The following LAMA3 variants were observed in gnomAD, a reference collection of about 807,000 sequenced individuals.
LAMA3 encodes laminin subunit alpha-3.
LAMA3 carries 281 observed loss-of-function variants against 402.0 expected under a neutral mutation model. The ratio of observed to expected loss-of-function variants is 0.70; its 90% CI spans 0.63 to 0.77. The LOEUF is 0.77. LAMA3 is among the 30% of genes least tolerant of loss of function. LAMA3 has a pLI of 0.00. For synonymous variants in LAMA3, 1,431 were observed against 1,558.4 expected, an observed-to-expected ratio of 0.92 and a Z score of 1.93; for missense variants, 3,840 against 4,215.5, an observed-to-expected ratio of 0.91 and a Z score of 2.47.
chr18:23,940,007 A>G (rs1326526574), intron 68 of LAMA3, among the ~76,000 whole-genome samples: 1 of 152,236 alleles, frequency 6.6e-6, no homozygotes, highest in African/African-American at 2.4e-5. Context: ...AGCTGGCTCT[A>G]ACATCTGGCT....
Position 23,867,909 on chromosome 18 carries a change from G to A in LAMA3, c.4759G>A (p.Val1587Met), listed in dbSNP as rs776186644. ...CCGGCTGCATCATGGACGAGTGCAC[G>A]TGGTCGAGGTAAAGGAAGAGCAACC... ...PDRLHHGRVHVVEGNFRHASS... is the reference protein window; with the variant it reads ...PDRLHHGRVHMVEGNFRHASS... Residue 1587 changes from valine to methionine, a missense_variant, in exon 37 of 75, where the codon GTG (valine) becomes ATG (methionine). Physicochemically the swap from Val to Met is conservative, Grantham distance 21. This residue lies in a region of LAMA3 where 2,109 missense variants were observed against 2,376.0 expected (regional missense o/e 0.89). Transcript: ENST00000313654. The A allele has an allele frequency of 3.4e-5, 55 of 1,613,692 alleles. No homozygotes were observed. Among genetic ancestry groups the A allele is most frequent in the African/African-American group, 5.3e-5 (4 of 74,914 alleles).
chr18:23,784,451 G>A (rs1253994320), intron 12 of LAMA3, among the ~76,000 whole-genome samples: 1 of 152,180 alleles, frequency 6.6e-6, no homozygotes, highest in East Asian at 1.9e-4. Flanking sequence ...TTAGGAACCT[G>A]CCACCACTTC....
Position 23,749,438 on chromosome 18 carries a change from A to G in LAMA3, c.576A>G (p.Val192=). The G allele has an allele frequency of 6.4e-7, 1 of 1,567,448 alleles. No individual in the cohort carries two copies. Among genetic ancestry groups the G allele is most frequent in the African/African-American group, 1.4e-5 (1 of 73,984 alleles). ...SPWQYFAHSK[V]DCLKEFGREA... ...ATATTTTCCTTCTAGATTCTAAAGT[A>G]GACTGTTTAAAAGAATTTGGGCGGG... Residue 192 remains valine, a synonymous_variant, in exon 4 of 75, where the codon GTA becomes GTG. Transcript: ENST00000313654.
chr18:23,949,729 T>A (rs1568381354), intron 70 of LAMA3, 36 bp from the exon 71 acceptor site: 1 of 1,610,906 alleles, frequency 6.2e-7, no homozygotes, highest in Non-Finnish European at 8.5e-7. Flanking sequence ...CTTGGAGGTG[T>A]AGGTAATGAG....
chr18:23,769,840 G>A (rs2062157120), intron 8 of LAMA3, among the ~76,000 whole-genome samples: 1 of 152,150 alleles, frequency 6.6e-6, no homozygotes, highest in African/African-American at 2.4e-5. Flanking sequence ...GAATAAAAAA[G>A]CAAGACTCAA....
intron 74 of LAMA3, among the ~76,000 whole-genome samples, chr18:23,954,247 T>G (rs1245812514): frequency 6.6e-6 from 1 of 151,368 alleles, no homozygotes; most frequent in African/African-American, 2.4e-5. Context: ...ACAAAAACAT[T>G]AAAAATTAGC....
intron 1 of LAMA3, among the ~76,000 whole-genome samples, chr18:23,702,282 A>C (rs1381103672): frequency 6.6e-6 from 1 of 152,186 alleles, no homozygotes; most frequent in Non-Finnish European, 1.5e-5. Flanking sequence ...TTGTCTATGG[A>C]GGGAGAAGAC....
At chr18:23,907,287 T>C (rs2081282744) in intron 52 of LAMA3, among the ~76,000 whole-genome samples, 1 of 152,206 alleles carries the variant, frequency 6.6e-6, no homozygotes, top group Non-Finnish European at 1.5e-5. Context: ...AAGTTTAGCC[T>C]TCCCCAAGTT....
At chr18:23,706,412 A>T (rs1221709381) in intron 1 of LAMA3, among the ~76,000 whole-genome samples, 1 of 152,218 alleles carries the variant, frequency 6.6e-6, no homozygotes, top group Non-Finnish European at 1.5e-5. Context: ...CAGTTTCCAA[A>T]GTTTTTGTAC....
chr18:23,829,671 T>A (rs1466995516), intron 23 of LAMA3, among the ~76,000 whole-genome samples: 1 of 152,222 alleles, frequency 6.6e-6, no homozygotes, highest in Non-Finnish European at 1.5e-5. Context: ...ACAAGTTTCT[T>A]ATATGCATAT....
Position 23,898,998 on chromosome 18 carries a change from T to G in LAMA3, c.5769T>G (p.Val1923=), listed in dbSNP as rs1050801011. The change falls in exon 46 of 75, where the codon GTT becomes GTG. Residue 1923 remains valine (V), a synonymous_variant. Coordinates refer to ENST00000313654, the MANE Select transcript of LAMA3 (RefSeq NM_198129.4). ...SRKAQTLNNN[V]NRATQSAKEL... is the part of the protein sequence containing the mutation. ...AAGCACAAACATTAAACAACAATGT[T>G]AATCGGGCAACACAAAGCGCAAAAG... 6.2e-7 allele frequency: 1 copy of G among 1,614,118 alleles called. No homozygotes were observed. The highest frequency in any genetic ancestry group is 8.5e-7 in the Non-Finnish European group (1 of 1,179,978).
intron 8 of LAMA3, among the ~76,000 whole-genome samples, chr18:23,772,230 C>A (rs189411703): frequency 3.3e-5 from 5 of 152,054 alleles, no homozygotes; most frequent in Non-Finnish European, 7.4e-5. Context: ...TTAGCAGAGA[C>A]GGGGTTTCAC....
chr18:23,718,890 A>G (rs137927931), intron 2 of LAMA3, among the ~76,000 whole-genome samples: 312 of 152,324 alleles, frequency 2.0e-3, no homozygotes, highest in Non-Finnish European at 3.8e-3. Context: ...CCAGCACTTA[A>G]TGCCCCAAGG....
chr18:23,693,546 AG>A (rs2060632197), intron 1 of LAMA3, among the ~76,000 whole-genome samples: 1 of 151,360 alleles, frequency 6.6e-6, no homozygotes. Context: ...AAAAAAAAAA[AG>A]AGAAACGTAC....
At chr18:23,759,237 GGAGGTGGGAGAATGGCTT>G (rs2061918539) in intron 7 of LAMA3, among the ~76,000 whole-genome samples, 1 of 151,104 alleles carries the variant, frequency 6.6e-6, no homozygotes, top group South Asian at 2.1e-4. Flanking sequence ...CTTGGGAGGT[GGAGGTGGGAGAATGGCTT>G]GAGCCCAAGA....
intron 40 of LAMA3, among the ~76,000 whole-genome samples, chr18:23,882,484 C>T (rs1321770656): frequency 1.3e-5 from 2 of 151,904 alleles, no homozygotes; most frequent in Non-Finnish European, 2.9e-5. Context: ...GCAAAAATTA[C>T]CTTGTAATCC....
intron 54 of LAMA3, among the ~76,000 whole-genome samples, chr18:23,908,615 A>G (rs1350623220): frequency 6.6e-6 from 1 of 151,594 alleles, no homozygotes; most frequent in Non-Finnish European, 1.5e-5. Context: ...TGTAGTGGTC[A>G]AAGTAAAGGA....
chr18:23,860,006 G>A (rs2064176196), intron 34 of LAMA3, among the ~76,000 whole-genome samples: 1 of 152,078 alleles, frequency 6.6e-6, no homozygotes, highest in South Asian at 2.1e-4. Context: ...TAGAAGCTCT[G>A]GCCTCAGGAA....
chr18:23,812,329 A>C (rs2063090434), intron 13 of LAMA3, among the ~76,000 whole-genome samples: 1 of 152,192 alleles, frequency 6.6e-6, no homozygotes, highest in Non-Finnish European at 1.5e-5. Context: ...AAGACAGAGC[A>C]AGACCCTGTC....
Sources: gnomAD v4.1 joint callset for allele counts (sites outside exome capture counted in the v4.1 genomes callset) on GRCh38, gnomAD v4.1.1 for gene constraint, gnomAD v4.1.1 regional missense constraint, MANE v1.5 for transcripts, NCBI Gene and HGNC (gene_info 2026-07-23, HGNC 2026-07-21) for gene names.